MYCBP2: variants seen among roughly 807,000 people sequenced by gnomAD.
The protein encoded by MYCBP2 is MYC binding protein 2.
MYCBP2 carries 120 observed loss-of-function variants against 525.3 expected under a neutral mutation model. That is an observed-to-expected ratio of 0.23 (90% CI 0.20 to 0.27). MYCBP2 has a LOEUF of 0.27. Among genes scored for constraint, MYCBP2 ranks in the 10% least tolerant of loss-of-function variants. MYCBP2 has a pLI of 1.00. For missense variants in MYCBP2, 4,149 were observed against 5,657.1 expected (o/e 0.73, Z 8.55); for synonymous variants, 1,894 against 1,955.8 (o/e 0.97, Z 0.83).
At position 77,327,002 on chromosome 13, in the gene MYCBP2, C is replaced by G. The variant is rs1012759542; in HGVS notation, c.-227G>C. The G allele has an allele frequency of 4.0e-5, 18 of 446,614 alleles. No homozygotes were observed. The highest frequency in any genetic ancestry group is 5.6e-4 in the Middle Eastern group (1 of 1,790). 27.7% of individuals were successfully genotyped at this position (446,614 alleles called of 1,614,324 possible). On this transcript the variant is annotated 5_prime_UTR_variant, in exon 1 of 83. Coordinates refer to ENST00000544440, the MANE Select transcript of MYCBP2 (RefSeq NM_015057.5). The stretch of plus-strand genomic sequence containing the variant: ...GGGGCCGCTCATCTAACCCCGCCAC[C>G]CCGGGAATGTGAGGAGGAGGCGGTG...
chr13:77,174,509 A>T lies in MYCBP2; in HGVS notation c.5473-20T>A. ...ATTTTCCTTCATTATAAAGATGTAAAACATCTTTTATTCACAATGTACAGA... is the reference window on the plus strand; with the variant it reads ...ATTTTCCTTCATTATAAAGATGTAATACATCTTTTATTCACAATGTACAGA... On this transcript the variant is annotated intron_variant, in intron 36 of 82. Transcript: ENST00000544440. 5 of 1,591,836 alleles carry T rather than the reference A, an allele frequency of 3.1e-6. No homozygotes were observed. The highest frequency in any genetic ancestry group is 4.3e-6 in the Non-Finnish European group (5 of 1,160,330).
At chr13:77,084,849 G>A (rs754683927) in intron 62 of MYCBP2, among the ~76,000 whole-genome samples, 1 of 151,962 alleles carries the variant, frequency 6.6e-6, no homozygotes, top group Non-Finnish European at 1.5e-5. Flanking sequence ...CCTTTCTGCA[G>A]CTCTGTACCA....
chr13:77,255,059 G>A (rs2071929049), intron 14 of MYCBP2, among the ~76,000 whole-genome samples: 1 of 152,086 alleles, frequency 6.6e-6, no homozygotes, highest in Middle Eastern at 3.4e-3. Flanking sequence ...TGATAAACCT[G>A]AGAATGCAGG....
intron 3 of MYCBP2, among the ~76,000 whole-genome samples, chr13:77,285,994 T>A (rs2076717218): frequency 6.6e-6 from 1 of 152,056 alleles, no homozygotes; most frequent in African/African-American, 2.4e-5. Context: ...AGGGTCCCAC[T>A]CTAAAACAGG....
rs147944066 is a variant in MYCBP2, at chr13:77,243,789, T to C, written c.2527+17A>G. The C allele has an allele frequency of 6.1e-5, 99 of 1,611,820 alleles. No homozygotes were observed. In the East Asian group the frequency reaches 2.1e-3, roughly 34 times the overall value. ...GAGGACAACTCAGTGTAGCATAGTA[T>C]AATCAATCAAAATTACCTAAAAGAA... On this transcript the variant is annotated intron_variant, in intron 16 of 82. Coordinates refer to ENST00000544440, the MANE Select transcript of MYCBP2 (RefSeq NM_015057.5).
intron 55 of MYCBP2, among the ~76,000 whole-genome samples, chr13:77,115,384 G>T (rs2049556669): frequency 6.6e-6 from 1 of 151,834 alleles, no homozygotes; most frequent in African/African-American, 2.4e-5. Flanking sequence ...AAAGTAAATT[G>T]TAGAACAGTA....
chr13:77,094,172 G>A (rs2045877131), intron 58 of MYCBP2, among the ~76,000 whole-genome samples: 1 of 152,116 alleles, frequency 6.6e-6, no homozygotes, highest in African/African-American at 2.4e-5. Context: ...ACACAAAGAG[G>A]ACAATTTCCA....
chr13:77,210,171 T>C (rs2063800476), intron 23 of MYCBP2, among the ~76,000 whole-genome samples: 1 of 152,076 alleles, frequency 6.6e-6, no homozygotes, highest in African/African-American at 2.4e-5. Context: ...TTTATTCATT[T>C]TGTATATAAA....
intron 58 of MYCBP2, among the ~76,000 whole-genome samples, chr13:77,094,970 T>C (rs1384439610): frequency 1.3e-5 from 2 of 152,164 alleles, no homozygotes; most frequent in South Asian, 2.1e-4. Context: ...GGTGCCCAGT[T>C]GGTATTCATT....
Position 77,059,552 on chromosome 13 carries a change from C to T in MYCBP2, c.13111G>A (p.Gly4371Ser), listed in dbSNP as rs776624321. ...CAATCTGCATCAGAACAAACACTGC[C>T]AACAGCAGATAACTCTGTTCCACTC... ...SRSGTELSAV[G>S]SVCSDADCQE... is the part of the protein sequence containing the mutation. The change falls in exon 77 of 83, where the codon GGC (glycine) becomes AGC (serine). Residue 4371 changes from glycine to serine, a missense_variant. Coordinates refer to ENST00000544440, the MANE Select transcript of MYCBP2 (RefSeq NM_015057.5). 7.4e-6 allele frequency: 12 copies of T among 1,614,032 alleles called. No homozygotes were observed. The highest frequency in any genetic ancestry group is 1.0e-5 in the Non-Finnish European group (12 of 1,179,946).
intron 7 of MYCBP2, among the ~76,000 whole-genome samples, chr13:77,268,357 TA>T (rs931267214): frequency 2.6e-5 from 4 of 152,228 alleles, no homozygotes; most frequent in African/African-American, 9.6e-5. Flanking sequence ...ACTGCTATAA[TA>T]ATATACTTTC....
chr13:77,144,411 A>T (rs1826014555), intron 49 of MYCBP2, 34 bp downstream of exon 49: 1 of 1,406,972 alleles, frequency 7.1e-7, no homozygotes, highest in East Asian at 2.3e-5. Flanking sequence ...AGTTATTTGA[A>T]GTAAGTAGTA....
At chr13:77,114,066 T>C (rs1446666185) in intron 55 of MYCBP2, among the ~76,000 whole-genome samples, 7 of 152,230 alleles carry the variant, frequency 4.6e-5, no homozygotes, top group Admixed American at 1.3e-4. Context: ...GGGGTAGAAA[T>C]GACTCAGTCT....
At chr13:77,158,342 T>C (rs1272303758) in intron 44 of MYCBP2, among the ~76,000 whole-genome samples, 1 of 152,204 alleles carries the variant, frequency 6.6e-6, no homozygotes, top group East Asian at 1.9e-4. Context: ...GTCAGAGATC[T>C]GCATGCTGGA....
intron 61 of MYCBP2, 109 bp from the exon 62 acceptor site, chr13:77,087,742 A>C: frequency 1.1e-6 from 1 of 925,418 alleles, no homozygotes; most frequent in Non-Finnish European, 1.6e-6. Flanking sequence ...GATACTAGAA[A>C]ATCTTTTTTA....
chr13:77,236,883 AT>A (rs2068012099), intron 17 of MYCBP2, among the ~76,000 whole-genome samples: 1 of 152,066 alleles, frequency 6.6e-6, no homozygotes, highest in African/African-American at 2.4e-5. Context: ...AAATAAATAA[AT>A]AAATAAATAA....
chr13:77,204,305 C>T (rs1180675589), intron 26 of MYCBP2, among the ~76,000 whole-genome samples: 1 of 150,738 alleles, frequency 6.6e-6, no homozygotes, highest in Non-Finnish European at 1.5e-5. Context: ...AAATGCTCAC[C>T]ATCACTGGCC....
chr13:77,091,369 C>T (rs1348524852), intron 59 of MYCBP2, among the ~76,000 whole-genome samples: 1 of 149,732 alleles, frequency 6.7e-6, no homozygotes, highest in African/African-American at 2.5e-5. Flanking sequence ...GTTCTGTTTT[C>T]AGAGGAAGTT....
intron 81 of MYCBP2, 76 bp from the exon 82 acceptor site, chr13:77,051,238 TAGAC>T: frequency 7.7e-7 from 1 of 1,290,648 alleles, no homozygotes; most frequent in Non-Finnish European, 1.1e-6. Flanking sequence ...GGCATATACA[TAGAC>T]AGCTCCTTAA....
Sources: gnomAD v4.1 joint callset for allele counts (sites outside exome capture counted in the v4.1 genomes callset) on GRCh38, gnomAD v4.1.1 for gene constraint, MANE v1.5 for transcripts, NCBI Gene and HGNC (gene_info 2026-07-23, HGNC 2026-07-21) for gene names.